Variants in CSMD3 observed in about 807,000 individuals in gnomAD.
The protein encoded by CSMD3 is CUB and sushi domain-containing protein 3.
CSMD3 carries 177 observed loss-of-function variants against 435.2 expected under a neutral mutation model. That is an observed-to-expected ratio of 0.41 (90% CI 0.36 to 0.46). The LOEUF (loss-of-function observed/expected upper bound fraction) is 0.46. CSMD3 is among the 20% of genes least tolerant of loss of function. The pLI, the probability that CSMD3 is intolerant of heterozygous loss-of-function variation, is 0.34. For synonymous variants in CSMD3, 1,656 were observed against 1,520.5 expected (o/e 1.09, Z -2.07); for missense variants, 4,265 against 4,504.6 (o/e 0.95, Z 1.52).
chr8:113,021,402 C>A (rs1356723442), intron 5 of CSMD3, among the ~76,000 whole-genome samples: 1 of 152,136 alleles, frequency 6.6e-6, no homozygotes, highest in Non-Finnish European at 1.5e-5. Flanking sequence ...TTTTGATTTA[C>A]AATTTGGTTT....
chr8:112,355,950 C>T (rs1271233328), intron 38 of CSMD3, among the ~76,000 whole-genome samples: 2 of 152,144 alleles, frequency 1.3e-5, no homozygotes, highest in East Asian at 1.9e-4. Context: ...TATCAGTAAT[C>T]ACCAAAGAAA....
chr8:112,246,733 A>G (rs567526266), intron 64 of CSMD3, among the ~76,000 whole-genome samples: 4 of 152,310 alleles, frequency 2.6e-5, no homozygotes, highest in African/African-American at 9.6e-5. Context: ...GCAGATCTAT[A>G]AACTAAAACC....
intron 10 of CSMD3, among the ~76,000 whole-genome samples, chr8:112,870,032 G>A (rs745472523): frequency 6.6e-6 from 1 of 152,054 alleles, no homozygotes; most frequent in African/African-American, 2.4e-5. Context: ...ATGTATCCCA[G>A]AACTTAAAAA....
intron 27 of CSMD3, among the ~76,000 whole-genome samples, chr8:112,530,847 C>T (rs564982203): frequency 3.3e-4 from 50 of 152,316 alleles, no homozygotes; most frequent in Middle Eastern, 6.8e-3. Context: ...AGATAGAAAT[C>T]TGTAGCCACA....
At chr8:113,308,211 T>A (rs2132634898) in intron 2 of CSMD3, among the ~76,000 whole-genome samples, 1 of 151,308 alleles carries the variant, frequency 6.6e-6, no homozygotes, top group South Asian at 2.1e-4. Flanking sequence ...TAGCAACACA[T>A]TAATTTTTCT....
At chr8:112,635,007 C>T (rs1316345607) in intron 22 of CSMD3, among the ~76,000 whole-genome samples, 5 of 151,880 alleles carry the variant, frequency 3.3e-5, no homozygotes, top group Admixed American at 1.3e-4. Flanking sequence ...ATAATAATAT[C>T]AGGATTTTAG....
chr8:112,410,638 G>GTATATATATGTGTATATATATATGTA (rs1563913184), intron 32 of CSMD3, among the ~76,000 whole-genome samples: 17 of 50,248 alleles, frequency 3.4e-4, no homozygotes, highest in African/African-American at 1.5e-3. Context: ...GTATATATAT[G>GTATATATATGTGTATATATATATGTA]TATATATATA....
chr8:113,191,180 G>A (rs190147812), intron 3 of CSMD3, among the ~76,000 whole-genome samples: 7 of 151,750 alleles, frequency 4.6e-5, no homozygotes, highest in Non-Finnish European at 8.8e-5. Context: ...AATAATGCAC[G>A]TGGGCATACA....
chr8:113,324,535 A>C (rs1051883926), intron 1 of CSMD3, among the ~76,000 whole-genome samples: 8 of 152,264 alleles, frequency 5.3e-5, no homozygotes, highest in Middle Eastern at 3.4e-3. Context: ...GGGGTTTGGG[A>C]ACCTCCACCT....
chr8:112,848,738 T>A (rs2080399476), intron 11 of CSMD3, among the ~76,000 whole-genome samples: 1 of 152,068 alleles, frequency 6.6e-6, no homozygotes, highest in Admixed American at 6.6e-5. Context: ...AAACTGAGAT[T>A]CAGAGAGGTG....
At chr8:112,362,728 A>G (rs2131128543) in intron 38 of CSMD3, among the ~76,000 whole-genome samples, 1 of 152,088 alleles carries the variant, frequency 6.6e-6, no homozygotes, top group Middle Eastern at 3.4e-3. Flanking sequence ...CAATAAATGA[A>G]GGTCATCCTT....
rs1563841181 is a variant in CSMD3 at position 112,361,602 on chromosome 8, TA to T, written c.6137-9069del. ...ATATATATATATATATATATATATA[TA>T]TATATATATATATATATGTCCTAGT... On this transcript the variant is annotated intron_variant, in intron 38 of 70. Coordinates refer to ENST00000297405, the MANE Select transcript of CSMD3 (RefSeq NM_198123.2). 1.6e-4 allele frequency among the ~76,000 whole-genome samples: 22 copies of T among 136,736 alleles called. 1 individual carries two copies. Among genetic ancestry groups the T allele is most frequent in the African/African-American group, 5.9e-4 (22 of 36,986 alleles). 89.7% of individuals were successfully genotyped at this position (136,736 alleles called of 152,430 possible). A position where few individuals can be genotyped will look rare whatever the true frequency, so the allele number is the denominator to read the frequency against.
intron 7 of CSMD3, among the ~76,000 whole-genome samples, chr8:112,969,100 AAG>A (rs2084538996): frequency 6.6e-6 from 1 of 151,992 alleles, no homozygotes; most frequent in Non-Finnish European, 1.5e-5. Flanking sequence ...TTTGATGTAA[AAG>A]AGTGTTACAC....
intron 2 of CSMD3, among the ~76,000 whole-genome samples, chr8:113,282,311 G>C (rs149825902): frequency 6.6e-6 from 1 of 151,908 alleles, no homozygotes; most frequent in African/African-American, 2.4e-5. Context: ...TGATATGATC[G>C]TTTACCTTGA....
chr8:112,869,298 A>G (rs181601537), intron 10 of CSMD3, among the ~76,000 whole-genome samples: 2 of 152,348 alleles, frequency 1.3e-5, no homozygotes, highest in Admixed American at 1.3e-4. Context: ...ATAAACTTCA[A>G]TAAGCATCTA....
intron 1 of CSMD3, among the ~76,000 whole-genome samples, chr8:113,363,822 C>T (rs1023748597): frequency 3.9e-5 from 6 of 152,120 alleles, no homozygotes; most frequent in African/African-American, 1.4e-4. Context: ...CCTGGTATCT[C>T]TGACTATACA....
At chr8:113,422,484 T>A (rs1461465549) in intron 1 of CSMD3, among the ~76,000 whole-genome samples, 1 of 152,170 alleles carries the variant, frequency 6.6e-6, no homozygotes, top group African/African-American at 2.4e-5. Context: ...CAATATGGTA[T>A]TCCTCTGTAA....
intron 35 of CSMD3, among the ~76,000 whole-genome samples, chr8:112,404,426 A>C (rs1831595177): frequency 6.6e-6 from 1 of 151,930 alleles, no homozygotes; most frequent in Non-Finnish European, 1.5e-5. Flanking sequence ...GATACTTGGG[A>C]GGCTGAGGCA....
intron 22 of CSMD3, among the ~76,000 whole-genome samples, chr8:112,618,928 A>G (rs1040306288): frequency 2.0e-5 from 3 of 152,000 alleles, no homozygotes; most frequent in African/African-American, 7.2e-5. Flanking sequence ...TTTTTATTAA[A>G]ATTATTCATA....
Sources: allele counts gnomAD v4.1 joint callset (sites outside exome capture counted in the v4.1 genomes callset), GRCh38; gene constraint gnomAD v4.1.1; transcripts MANE v1.5; gene names NCBI Gene and HGNC (gene_info 2026-07-23, HGNC 2026-07-21).